BTBD9: variants seen among roughly 807,000 people sequenced by gnomAD.
BTBD9 encodes BTB/POZ domain-containing protein 9.
In BTBD9, 49 loss-of-function variants were observed where a neutral mutation model predicts 64.3. That is an observed-to-expected ratio of 0.76 (90% CI 0.61 to 0.97). The LOEUF is 0.97. Among genes scored for constraint, BTBD9 ranks in the 50% least tolerant of loss-of-function variants. The pLI is 0.00. For synonymous variants in BTBD9, 260 were observed against 274.7 expected (o/e 0.95, Z 0.53); for missense variants, 598 against 762.1 (o/e 0.78, Z 2.53).
At chr6:38,252,120 G>A (rs1764423292) in intron 9 of BTBD9, among the ~76,000 whole-genome samples, 1 of 152,106 alleles carries the variant, frequency 6.6e-6, no homozygotes, top group Non-Finnish European at 1.5e-5. Flanking sequence ...CCCACTCCTG[G>A]AGCAGAGAGA....
At chr6:38,471,413 A>C (rs144867671) in intron 6 of BTBD9, among the ~76,000 whole-genome samples, 2 of 152,346 alleles carry the variant, frequency 1.3e-5, no homozygotes, top group African/African-American at 2.4e-5. Context: ...CCTCAAGAAC[A>C]AAACTAACTT....
At chr6:38,260,610 G>C (rs1222830294) in intron 8 of BTBD9, among the ~76,000 whole-genome samples, 1 of 152,116 alleles carries the variant, frequency 6.6e-6, no homozygotes, top group African/African-American at 2.4e-5. Context: ...ACATATTTGA[G>C]GAAAATTTTA....
intron 1 of BTBD9, among the ~76,000 whole-genome samples, chr6:38,618,835 GC>G (rs1219795452): frequency 6.6e-6 from 1 of 152,178 alleles, no homozygotes; most frequent in Admixed American, 6.5e-5. Flanking sequence ...TTAAGCTGCA[GC>G]CCAAGAGTCT....
intron 6 of BTBD9, among the ~76,000 whole-genome samples, chr6:38,357,615 G>A (rs971265058): frequency 1.2e-4 from 19 of 152,192 alleles, no homozygotes; most frequent in African/African-American, 4.3e-4. Flanking sequence ...AAAAATTTGA[G>A]CAGAGGTCTT....
intron 7 of BTBD9, among the ~76,000 whole-genome samples, chr6:38,294,251 T>A (rs1002582530): frequency 6.6e-6 from 1 of 152,172 alleles, no homozygotes; most frequent in African/African-American, 2.4e-5. Flanking sequence ...ATTGTGGAAG[T>A]CAATGTGGCG....
chr6:38,464,253 T>C (rs527804713), intron 6 of BTBD9, among the ~76,000 whole-genome samples: 1 of 152,238 alleles, frequency 6.6e-6, no homozygotes, highest in East Asian at 1.9e-4. Flanking sequence ...CGTGAGAAAA[T>C]AAATTTCTGT....
At chr6:38,615,219 G>A (rs896313990) in intron 1 of BTBD9, among the ~76,000 whole-genome samples, 7 of 152,204 alleles carry the variant, frequency 4.6e-5, no homozygotes, top group Admixed American at 1.3e-4. Flanking sequence ...TCTAGCCAGC[G>A]CTCTTGTCAT....
chr6:38,514,175 G>A (rs1772906656), intron 6 of BTBD9, among the ~76,000 whole-genome samples: 1 of 152,188 alleles, frequency 6.6e-6, no homozygotes, highest in Non-Finnish European at 1.5e-5. Flanking sequence ...GAGATCTGAT[G>A]GCTAAAGAAA....
chr6:38,415,897 A>G (rs1209846443), intron 6 of BTBD9, among the ~76,000 whole-genome samples: 1 of 152,032 alleles, frequency 6.6e-6, no homozygotes, highest in Non-Finnish European at 1.5e-5. Flanking sequence ...TATTTCTTCA[A>G]ATGGCTCCTC....
chr6:38,415,752 T>A (rs900286440), intron 6 of BTBD9, among the ~76,000 whole-genome samples: 4 of 152,182 alleles, frequency 2.6e-5, no homozygotes, highest in African/African-American at 7.2e-5. Flanking sequence ...TCATCTAGAC[T>A]ATCACAGCCT....
intron 10 of BTBD9, among the ~76,000 whole-genome samples, chr6:38,177,605 C>T (rs1015833951): frequency 6.6e-6 from 1 of 152,208 alleles, no homozygotes; most frequent in Admixed American, 6.5e-5. Flanking sequence ...GGGATCAGGG[C>T]GGGTCTCTGC....
At chr6:38,632,591 T>C (rs1562447293) in intron 1 of BTBD9, among the ~76,000 whole-genome samples, 1 of 152,222 alleles carries the variant, frequency 6.6e-6, no homozygotes, top group Non-Finnish European at 1.5e-5. Context: ...ACTTGAACTG[T>C]ACTTGAAAAA....
At chr6:38,531,184 C>T (rs948463110) in intron 6 of BTBD9, among the ~76,000 whole-genome samples, 6 of 152,020 alleles carry the variant, frequency 3.9e-5, no homozygotes, top group Admixed American at 6.6e-5. Flanking sequence ...ATCAAACTTC[C>T]GAAGGTCTAG....
At chr6:38,301,726 T>G (rs1278727243) in intron 7 of BTBD9, among the ~76,000 whole-genome samples, 1 of 152,220 alleles carries the variant, frequency 6.6e-6, no homozygotes, top group Non-Finnish European at 1.5e-5. Context: ...CATTTTTTAT[T>G]GCGTCTATTT....
intron 6 of BTBD9, among the ~76,000 whole-genome samples, chr6:38,558,315 C>G (rs1775115394): frequency 6.6e-6 from 1 of 151,654 alleles, no homozygotes; most frequent in African/African-American, 2.4e-5. Flanking sequence ...TTAGGGTTTT[C>G]CAAGTATAGA....
chr6:38,170,767 C>T lies in BTBD9; in HGVS notation c.*4218G>A, dbSNP rs1425675099. 6.6e-6 allele frequency: 1 copy of T among 152,254 alleles called. No homozygotes were observed. Among genetic ancestry groups the T allele is most frequent in the Non-Finnish European group, 1.5e-5 (1 of 68,044 alleles). 9.4% of individuals were successfully genotyped at this position (152,254 alleles called of 1,614,324 possible). On this transcript the variant is annotated 3_prime_UTR_variant, in exon 11 of 11. Coordinates refer to ENST00000481247, the MANE Select transcript of BTBD9 (RefSeq NM_001099272.2). ...TGCACTTTAAATTCCTAACTGAACT[C>T]CTGCCGGGGCTGTTGTCAGGAAAAA...
At chr6:38,197,376 G>A (rs1326638415) in intron 9 of BTBD9, among the ~76,000 whole-genome samples, 2 of 152,194 alleles carry the variant, frequency 1.3e-5, no homozygotes, top group Non-Finnish European at 2.9e-5. Flanking sequence ...AGGGCAAGAT[G>A]AAGACCTTTC....
In BTBD9 at chr6:38,303,514, G is replaced by A. The variant is rs191399487; in HGVS notation, c.1265-15053C>T. Among the ~76,000 whole-genome samples, 70 of 152,082 alleles carry A rather than the reference G, an allele frequency of 4.6e-4. No homozygotes were observed. In the East Asian group the frequency reaches 0.011, roughly 23 times the overall value. On this transcript the variant is annotated intron_variant, in intron 7 of 10. Coordinates refer to ENST00000481247, the MANE Select transcript of BTBD9 (RefSeq NM_001099272.2). ...AAAGTATAAAACCTTTTATGATTAT[G>A]TTGAATGCTGATATCCTCTGTAGAC...
At chr6:38,202,739 T>C (rs1762509135) in intron 9 of BTBD9, among the ~76,000 whole-genome samples, 1 of 152,174 alleles carries the variant, frequency 6.6e-6, no homozygotes, top group African/African-American at 2.4e-5. Flanking sequence ...TCTCTCATCA[T>C]ATACAAAAAT....
Sources: allele counts gnomAD v4.1 joint callset (sites outside exome capture counted in the v4.1 genomes callset), GRCh38; gene constraint gnomAD v4.1.1; transcripts MANE v1.5; gene names NCBI Gene and HGNC (gene_info 2026-07-23, HGNC 2026-07-21).